The following COL24A1 variants were observed in gnomAD, a reference collection of about 807,000 sequenced individuals.
COL24A1 encodes the protein collagen type XXIV alpha 1 chain, also known as collagen alpha-1(XXIV) chain.
Under a neutral mutation model 253.9 loss-of-function variants are expected in COL24A1, and 224 were observed. That is an observed-to-expected ratio of 0.88 (90% confidence interval 0.79 to 0.99). The LOEUF (loss-of-function observed/expected upper bound fraction) is 0.99. COL24A1 is among the 50% of genes least tolerant of loss of function. The probability of loss-of-function intolerance (pLI) is 0.00; values close to 1 mark genes in which losing one functional copy is unlikely to be tolerated. For missense variants in COL24A1, 2,131 were observed against 2,068.5 expected, an observed-to-expected ratio of 1.03 and a Z score of -0.59; for synonymous variants, 685 against 673.7, an observed-to-expected ratio of 1.02 and a Z score of -0.26.
At chr1:85,876,079 T>C (rs1160638115) in intron 33 of COL24A1, among the ~76,000 whole-genome samples, 1 of 152,042 alleles carries the variant, frequency 6.6e-6, no homozygotes, top group Admixed American at 6.6e-5. Context: ...CATTTTATCC[T>C]AAAGGCCATG....
chr1:86,022,598 A>G lies in COL24A1; in HGVS notation c.2149-7T>C, dbSNP rs748730497. 2 of 1,610,480 alleles carry G rather than the reference A, an allele frequency of 1.2e-6. No homozygotes were observed. Among genetic ancestry groups the G allele is most frequent in the East Asian group, 2.2e-5 (1 of 44,774 alleles). On this transcript the variant is annotated splice_polypyrimidine_tract_variant and splice_region_variant and intron_variant, in intron 16 of 59. Coordinates refer to ENST00000370571, the MANE Select transcript of COL24A1 (RefSeq NM_152890.7). ...CTGCTGTGCCTTGTTCACCCTGGAA[A>G]GCACAATTTCATGCAAAGATACTTA...
At chr1:85,895,591 A>C (rs1436972519) in intron 31 of COL24A1, among the ~76,000 whole-genome samples, 2 of 152,172 alleles carry the variant, frequency 1.3e-5, no homozygotes, top group African/African-American at 4.8e-5. Flanking sequence ...GCTCAAATAA[A>C]ACAATGACCC....
intron 24 of COL24A1, 103 bp downstream of exon 24, chr1:85,961,146 T>A: frequency 1.2e-6 from 1 of 856,206 alleles, no homozygotes; most frequent in South Asian, 1.5e-5. Context: ...TAAGAATTAT[T>A]CTGATTCCGA....
rs76019510 is a variant in COL24A1 at position 86,013,039 on chromosome 1, T to C, written c.2310+4112A>G. On this transcript the variant is annotated intron_variant, in intron 19 of 59. Coordinates refer to ENST00000370571, the MANE Select transcript of COL24A1 (RefSeq NM_152890.7). ...AGTGTTTTACATGTATTAATGTGTGTAATAAAACAACTTTATGAGGTTGGT... is the reference window on the plus strand; with the variant it reads ...AGTGTTTTACATGTATTAATGTGTGCAATAAAACAACTTTATGAGGTTGGT... Among the ~76,000 whole-genome samples the C allele has an allele frequency of 3.7e-3, 567 of 152,320 alleles. 5 individuals carry two copies. The highest frequency in any genetic ancestry group is 0.013 in the African/African-American group (547 of 41,566).
chr1:85,989,387 T>TC (rs1326134875), intron 19 of COL24A1, among the ~76,000 whole-genome samples: 1 of 151,840 alleles, frequency 6.6e-6, no homozygotes, highest in East Asian at 1.9e-4. Context: ...ACCACGACCA[T>TC]CTTCCAATCA....
chr1:85,742,365 C>A (rs143355848), intron 57 of COL24A1, among the ~76,000 whole-genome samples: 1,674 of 152,114 alleles, frequency 0.011, 42 homozygotes, highest in African/African-American at 0.038. Flanking sequence ...ATCTCTTCAC[C>A]TCATGATCTG....
rs773708562 is a variant in COL24A1, at chr1:85,786,413, G to A, written c.4000C>T (p.Pro1334Ser). 3 of 1,613,648 alleles carry A rather than the reference G, an allele frequency of 1.9e-6. No homozygotes were observed. In the South Asian group the frequency reaches 3.3e-5, roughly 18 times the overall value. Residue 1334 changes from proline to serine, a missense_variant, in exon 48 of 60, where the codon CCT (proline) becomes TCT (serine). Pro to Ser is a moderately conservative substitution (Grantham distance 74). Coordinates refer to ENST00000370571, the MANE Select transcript of COL24A1 (RefSeq NM_152890.7). ...CCTGATGAACCCTTTACTCCTGGAG[G>A]ACCTGGAGCCCCAGCAAGACCTGTT... is the stretch of plus-strand genomic sequence containing the variant. ...GRTGLAGAPGPPGVKGSSGLP... is the reference protein window; with the variant it reads ...GRTGLAGAPGSPGVKGSSGLP...
chr1:85,806,134 T>C (rs313739), intron 47 of COL24A1, among the ~76,000 whole-genome samples: 69,383 of 149,586 alleles, frequency 0.46, 16,272 homozygotes, highest in East Asian at 0.58. Context: ...TTATATTAAA[T>C]AACTAAAATG....
At chr1:86,155,306 C>T (rs1484671932) in intron 1 of COL24A1, 1 of 152,618 alleles carries the variant, frequency 6.6e-6, no homozygotes, top group African/African-American at 2.4e-5. Context: ...AACACGACCA[C>T]AAGGCGCTCT....
intron 47 of COL24A1, among the ~76,000 whole-genome samples, chr1:85,793,952 C>G (rs1312312266): frequency 1.3e-5 from 2 of 151,634 alleles, no homozygotes; most frequent in African/African-American, 2.4e-5. Context: ...CTAAAGAAAC[C>G]CGAAGAGAGA....
At position 85,936,799 on chromosome 1, in the gene COL24A1, G is replaced by A. The variant is rs543960891; in HGVS notation, c.2562+24450C>T. On this transcript the variant is annotated intron_variant, in intron 24 of 59. Transcript: ENST00000370571. ...GGAAGATCACAGTGCAGGCTCCTGAGATTTTGTATCAAGGCTCTGCCACCT... is the reference window on the plus strand; with the variant it reads ...GGAAGATCACAGTGCAGGCTCCTGAAATTTTGTATCAAGGCTCTGCCACCT... Among the ~76,000 whole-genome samples, 35 of 147,416 alleles carry A rather than the reference G, an allele frequency of 2.4e-4. 6 individuals carry two copies. The South Asian group carries it at 2.9e-3, about 12-fold the overall frequency.
intron 12 of COL24A1, among the ~76,000 whole-genome samples, chr1:86,039,170 C>G (rs538400386): frequency 6.6e-6 from 1 of 152,126 alleles, no homozygotes; most frequent in Admixed American, 6.5e-5. Context: ...AGCTCAGAGC[C>G]CAGAGCAAGT....
intron 6 of COL24A1, 145 bp downstream of exon 6, chr1:86,092,122 A>C: frequency 3.1e-5 from 19 of 605,932 alleles, no homozygotes; most frequent in East Asian, 1.2e-4. Context: ...TTCTTCAAAT[A>C]GTTCTTCCTT....
rs771725595 is a variant in COL24A1, at chr1:85,784,105, A to T, written c.4221+8T>A. 2 of 1,598,516 alleles carry T rather than the reference A, an allele frequency of 1.3e-6. No homozygotes were observed. The highest frequency in any genetic ancestry group is 1.7e-6 in the Non-Finnish European group (2 of 1,166,676). ...GCTAGAAGACTAGAAGAAAGTATGT[A>T]AACATACTTTAGGGCCTGGGAATCC... On this transcript the variant is annotated splice_region_variant and intron_variant, in intron 50 of 59. Transcript: ENST00000370571.
intron 24 of COL24A1, among the ~76,000 whole-genome samples, chr1:85,953,656 A>G (rs1047073731): frequency 6.6e-6 from 1 of 152,212 alleles, no homozygotes; most frequent in Non-Finnish European, 1.5e-5. Flanking sequence ...AAATCACAGT[A>G]TCCTTCTAAA....
chr1:86,046,969 CA>C (rs1447423889), intron 11 of COL24A1, 100 bp from the exon 12 acceptor site: 8 of 775,546 alleles, frequency 1.0e-5, no homozygotes, highest in Non-Finnish European at 1.8e-5. Context: ...ATGAAAAAGA[CA>C]AAAACAAATT....
rs560739680 is a variant in COL24A1, at chr1:85,868,616, C to T, written c.3203G>A (p.Gly1068Glu). The T allele has an allele frequency of 1.2e-6, 2 of 1,612,536 alleles. No homozygotes were observed. Among genetic ancestry groups the T allele is most frequent in the South Asian group, 1.1e-5 (1 of 91,034 alleles). The stretch of plus-strand genomic sequence containing the variant: ...ATCCTCTCCAGGAAGTCCCCTTCCT[C>T]CTGGTACTCCCTGTAATGCAATAAA... The part of the protein sequence containing the change: ...QGKDGLKGVP[G>E]GRGLPGEDGE... The change falls in exon 37 of 60, where the codon GGA (glycine) becomes GAA (glutamate). Residue 1068 changes from glycine (G) to glutamate (E), a missense_variant. Physicochemically the swap from Gly to Glu is moderately conservative, Grantham distance 98 (BLOSUM62 -2). Coordinates refer to ENST00000370571, the MANE Select transcript of COL24A1 (RefSeq NM_152890.7).
chr1:86,018,990 C>A (rs1212748456), intron 18 of COL24A1, among the ~76,000 whole-genome samples: 1 of 152,012 alleles, frequency 6.6e-6, no homozygotes, highest in Non-Finnish European at 1.5e-5. Context: ...CTTAGATCTA[C>A]TTGGAAACAA....
At position 86,083,252 on chromosome 1, in the gene COL24A1, T is replaced by C. The variant is rs531727612; in HGVS notation, c.1707+5922A>G. ...GGCGGAGCTTGCAGTGAGCCGAGAT[T>C]GCACCACTGCACTCCAGCCTGGGCG... On this transcript the variant is annotated intron_variant, in intron 7 of 59. Coordinates refer to ENST00000370571, the MANE Select transcript of COL24A1 (RefSeq NM_152890.7). 3.3e-5 allele frequency among the ~76,000 whole-genome samples: 5 copies of C among 151,820 alleles called. No individual in the cohort carries two copies. In the South Asian group the frequency reaches 6.2e-4, roughly 19 times the overall value.
Sources: gnomAD v4.1 joint callset for allele counts (sites outside exome capture counted in the v4.1 genomes callset) on GRCh38, gnomAD v4.1.1 for gene constraint, MANE v1.5 for transcripts, NCBI Gene and HGNC (gene_info 2026-07-23, HGNC 2026-07-21) for gene names.